Variants in PKIB observed in about 807,000 individuals in gnomAD.
PKIB encodes the protein cAMP-dependent protein kinase inhibitor beta.
Under a neutral mutation model 4.5 loss-of-function variants are expected in PKIB, and 2 were observed. The ratio of observed to expected loss-of-function variants is 0.44; its 90% CI spans 0.18 to 1.39. PKIB has a LOEUF of 1.39. Among genes scored for constraint, PKIB ranks in the 40% most tolerant of loss-of-function variants. The pLI is 0.27. For synonymous variants in PKIB, 38 were observed against 36.0 expected, an observed-to-expected ratio of 1.06 and a Z score of -0.20; for missense variants, 94 against 92.6, an observed-to-expected ratio of 1.02 and a Z score of -0.06.
At chr6:122,637,135 TA>T (rs2114837945) in intron 2 of PKIB, among the ~76,000 whole-genome samples, 1 of 152,312 alleles carries the variant, frequency 6.6e-6, no homozygotes, top group Admixed American at 6.5e-5. Flanking sequence ...TAATCTTGTC[TA>T]ACATGACATC....
intron 2 of PKIB, among the ~76,000 whole-genome samples, chr6:122,520,469 T>TG (rs1776897445): frequency 6.6e-6 from 1 of 151,910 alleles, no homozygotes. Flanking sequence ...ATATCAAGAG[T>TG]GTCTATTTAC....
chr6:122,489,807 A>G (rs866483838), intron 2 of PKIB, among the ~76,000 whole-genome samples: 1 of 152,228 alleles, frequency 6.6e-6, no homozygotes, highest in South Asian at 2.1e-4. Context: ...AACTCAATCC[A>G]TTCAGTCTTT....
intron 2 of PKIB, among the ~76,000 whole-genome samples, chr6:122,528,286 A>G (rs901337983): frequency 6.6e-6 from 1 of 152,158 alleles, no homozygotes; most frequent in Non-Finnish European, 1.5e-5. Flanking sequence ...TCTTAGATGT[A>G]AAGTGAGTAT....
intron 1 of PKIB, 38 bp from the exon 2 acceptor site, chr6:122,633,245 T>C (rs1775771762): frequency 6.6e-6 from 1 of 152,196 alleles, no homozygotes; most frequent in Non-Finnish European, 1.5e-5. Context: ...TGGAGATGTT[T>C]ATCTTAATAA....
intron 2 of PKIB, among the ~76,000 whole-genome samples, chr6:122,486,420 C>T (rs932730938): frequency 6.6e-6 from 1 of 151,950 alleles, no homozygotes; most frequent in Non-Finnish European, 1.5e-5. Flanking sequence ...GTTGCTTGAT[C>T]CACCCTCGTC....
At chr6:122,705,722 C>T (rs1035101325) in intron 3 of PKIB, among the ~76,000 whole-genome samples, 3 of 151,882 alleles carry the variant, frequency 2.0e-5, no homozygotes, top group South Asian at 2.1e-4. Context: ...CATGCCACCA[C>T]GCCCAGCTAA....
intron 2 of PKIB, among the ~76,000 whole-genome samples, chr6:122,521,979 A>C (rs1482641443): frequency 6.6e-6 from 1 of 152,138 alleles, no homozygotes; most frequent in East Asian, 1.9e-4. Flanking sequence ...ACTGCACTGA[A>C]CATTCATTAG....
At chr6:122,645,095 T>A (rs886852701) in intron 2 of PKIB, among the ~76,000 whole-genome samples, 1 of 152,242 alleles carries the variant, frequency 6.6e-6, no homozygotes, top group Non-Finnish European at 1.5e-5. Flanking sequence ...CAGTTCTTTA[T>A]TGGCAGTGAA....
chr6:122,552,320 G>C (rs1390271802), intron 2 of PKIB, among the ~76,000 whole-genome samples: 1 of 151,960 alleles, frequency 6.6e-6, no homozygotes, highest in Non-Finnish European at 1.5e-5. Context: ...ATAACCCAGC[G>C]GCCAGCAGCT....
intron 3 of PKIB, among the ~76,000 whole-genome samples, chr6:122,688,777 CCTTT>C (rs1472384588): frequency 6.9e-6 from 1 of 144,506 alleles, no homozygotes; most frequent in African/African-American, 2.5e-5. Flanking sequence ...CACTAATGAG[CCTTT>C]CTTTTTTTTT....
At position 122,725,858 on chromosome 6, in the gene PKIB, C is replaced by T. The variant is rs1779933939; in HGVS notation, c.*663C>T. ...TTTGTAACAAAATGGTTATATGGAA[C>T]ATGCCTATTAAATGAATTTTACTAT... On this transcript the variant is annotated 3_prime_UTR_variant, in exon 5 of 5. Transcript: ENST00000368452. 6.6e-6 allele frequency: 1 copy of T among 152,034 alleles called. No individual in the cohort carries two copies. The highest frequency in any genetic ancestry group is 1.5e-5 in the Non-Finnish European group (1 of 68,050). 9.4% of individuals were successfully genotyped at this position (152,034 alleles called of 1,614,324 possible). A position where few individuals can be genotyped will look rare whatever the true frequency, so the allele number is the denominator to read the frequency against.
intron 3 of PKIB, among the ~76,000 whole-genome samples, chr6:122,676,161 A>T (rs1265141291): frequency 6.6e-6 from 1 of 151,656 alleles, no homozygotes; most frequent in South Asian, 2.1e-4. Flanking sequence ...ATCTGGGGTG[A>T]TGGGAAACAG....
At chr6:122,501,127 C>A (rs155462) in intron 2 of PKIB, among the ~76,000 whole-genome samples, 15 of 151,962 alleles carry the variant, frequency 9.9e-5, no homozygotes, top group Non-Finnish European at 1.9e-4. Flanking sequence ...TCTCACATTC[C>A]AGAACACAAT....
At chr6:122,541,209 AT>A (rs1335701265) in intron 2 of PKIB, among the ~76,000 whole-genome samples, 2 of 152,024 alleles carry the variant, frequency 1.3e-5, no homozygotes, top group Non-Finnish European at 2.9e-5. Flanking sequence ...TTATTTGTGA[AT>A]TTGGTCCTGT....
chr6:122,526,309 G>A lies in PKIB; in HGVS notation c.-248+48370G>A, dbSNP rs147168681. On this transcript the variant is annotated intron_variant, in intron 2 of 6. Transcript: ENST00000392491. ...TGAACTCTTCCCGTGAATTACAAAC[G>A]TTCTTAATAGCATCTAGACTGGTGA... 1.8e-4 allele frequency among the ~76,000 whole-genome samples: 28 copies of A among 152,156 alleles called. No individual in the cohort carries two copies. The East Asian group carries it at 3.5e-3, about 19-fold the overall frequency.
intron 2 of PKIB, among the ~76,000 whole-genome samples, chr6:122,648,186 C>G (rs1390926227): frequency 6.6e-6 from 1 of 152,228 alleles, no homozygotes; most frequent in East Asian, 1.9e-4. Flanking sequence ...ACCCTTTCGT[C>G]TCCTAGTGGA....
intron 3 of PKIB, among the ~76,000 whole-genome samples, chr6:122,690,611 T>C (rs191428566): frequency 1.8e-4 from 27 of 151,922 alleles, no homozygotes; most frequent in Admixed American, 1.0e-3. Flanking sequence ...CTATACTGTC[T>C]ATGTCTTGAA....
At chr6:122,504,782 A>G (rs1776347652) in intron 2 of PKIB, among the ~76,000 whole-genome samples, 1 of 152,236 alleles carries the variant, frequency 6.6e-6, no homozygotes, top group South Asian at 2.1e-4. Context: ...ACTGTAGTAC[A>G]TAAAATGTGT....
At chr6:122,559,349 TTGG>T (rs1433044132) in intron 2 of PKIB, among the ~76,000 whole-genome samples, 1 of 151,872 alleles carries the variant, frequency 6.6e-6, no homozygotes, top group Non-Finnish European at 1.5e-5. Flanking sequence ...CAAAGAACAG[TTGG>T]CTGTATTTGG....
Sources: allele counts gnomAD v4.1 joint callset (sites outside exome capture counted in the v4.1 genomes callset), GRCh38; gene constraint gnomAD v4.1.1; transcripts MANE v1.5; gene names NCBI Gene and HGNC (gene_info 2026-07-23, HGNC 2026-07-21).